ATM: variants seen among roughly 807,000 people sequenced by gnomAD.
The protein encoded by ATM is serine-protein kinase ATM.
A neutral mutation model predicts 387.0 loss-of-function variants in ATM; 308 were observed. The observed-to-expected ratio is 0.80, with a 90% CI of 0.73 to 0.87. The LOEUF (loss-of-function observed/expected upper bound fraction) is 0.87, where lower values mean the gene tolerates loss of function less well. Among genes scored for constraint, ATM ranks in the 40% least tolerant of loss-of-function variants. ATM has a pLI of 0.00. For synonymous variants in ATM, 1,156 were observed against 1,187.3 expected, an observed-to-expected ratio of 0.97 and a Z score of 0.54; for missense variants, 3,312 against 3,560.9, an observed-to-expected ratio of 0.93 and a Z score of 1.78.
At position 108,251,080 on chromosome 11, in the gene ATM, C is replaced by A. The variant is rs2135328749; in HGVS notation, c.1607+8C>A. ...AGCCTGCAGACCTTCATGGTAAGTT[C>A]AGCATGCATTATGTCTGACTTACAG... On this transcript the variant is annotated splice_region_variant and intron_variant, in intron 10 of 62. Transcript: ENST00000675843. The A allele has an allele frequency of 6.2e-7, 1 of 1,613,852 alleles. No individual in the cohort carries two copies. Among genetic ancestry groups the A allele is most frequent in the South Asian group, 1.1e-5 (1 of 91,018 alleles).
intron 55 of ATM, 93 bp from the exon 56 acceptor site, chr11:108,335,752 T>C: frequency 1.1e-6 from 1 of 883,180 alleles, no homozygotes; most frequent in Non-Finnish European, 1.9e-6. Flanking sequence ...GATGCTCAGA[T>C]TGGTTTGAGT....
At chr11:108,297,223 C>A in intron 32 of ATM, 64 bp from the exon 33 acceptor site, 1 of 1,300,830 alleles carries the variant, frequency 7.7e-7, no homozygotes, top group Non-Finnish European at 1.1e-6. Flanking sequence ...AATATATATG[C>A]AATTATAAAC....
intron 50 of ATM, 49 bp from the exon 51 acceptor site, chr11:108,331,393 AAT>A (rs1313591560): frequency 6.3e-7 from 1 of 1,589,006 alleles, no homozygotes. Flanking sequence ...TAGATGTGAG[AAT>A]ATTTGAAATA....
intron 4 of ATM, among the ~76,000 whole-genome samples, chr11:108,235,096 A>G (rs1804981955): frequency 6.6e-6 from 1 of 152,150 alleles, no homozygotes; most frequent in African/African-American, 2.4e-5. Flanking sequence ...CAGGAGTTCA[A>G]GACCAGCCTG....
At chr11:108,336,594 T>G (rs1266792384) in intron 56 of ATM, among the ~76,000 whole-genome samples, 3 of 152,242 alleles carry the variant, frequency 2.0e-5, no homozygotes, top group African/African-American at 7.2e-5. Context: ...TTCAGTCTTT[T>G]GCTGCTACAA....
At chr11:108,350,217 C>T (rs1591290698) in intron 59 of ATM, among the ~76,000 whole-genome samples, 1 of 152,274 alleles carries the variant, frequency 6.6e-6, no homozygotes, top group Middle Eastern at 3.4e-3. Context: ...CAGTCCTCAA[C>T]ATCCTTGGAG....
chr11:108,228,117 CAT>C (rs1159921744), intron 3 of ATM, among the ~76,000 whole-genome samples: 3 of 152,102 alleles, frequency 2.0e-5, no homozygotes, highest in African/African-American at 7.2e-5. Context: ...ATGTTTTAGA[CAT>C]ATCTCACTCA....
chr11:108,274,910 T>A, intron 22 of ATM, among the ~76,000 whole-genome samples: 1 of 152,196 alleles, frequency 6.6e-6, no homozygotes, highest in East Asian at 1.9e-4. Context: ...TCGGTTCAAG[T>A]CCTGAATATC....
intron 1 of ATM, chr11:108,224,764 C>T (rs1169397337): frequency 6.6e-6 from 1 of 152,168 alleles, no homozygotes; most frequent in Non-Finnish European, 1.5e-5. Flanking sequence ...TTTTCTATTA[C>T]TGTGTTTTTG....
rs1131691149 is a variant in ATM, at chr11:108,365,110, G to A, written c.8879G>A (p.Trp2960Ter). 1 of 1,614,090 alleles carries A rather than the reference G, an allele frequency of 6.2e-7. No homozygotes were observed. Among genetic ancestry groups the A allele is most frequent in the South Asian group, 1.1e-5 (1 of 91,078 alleles). The change falls in exon 62 of 63, where the codon TGG (tryptophan) becomes TAG (stop). Residue 2960 changes from tryptophan to a stop codon, truncating the protein, a stop_gained. Transcript: ENST00000675843. LOFTEE classifies it high-confidence loss of function. ...EVLLYDPLFD[W>*]TMNPLKALYL... ...CTTCTATATGATCCACTCTTTGACTGGACCATGAATCCTTTGAAAGCTTTG... is the reference window on the plus strand; with the variant it reads ...CTTCTATATGATCCACTCTTTGACTAGACCATGAATCCTTTGAAAGCTTTG...
chr11:108,246,402 C>A (rs960276934), intron 7 of ATM, among the ~76,000 whole-genome samples: 1 of 152,138 alleles, frequency 6.6e-6, no homozygotes, highest in Non-Finnish European at 1.5e-5. Context: ...TAGTTTCAGA[C>A]TACTTTAATA....
chr11:108,337,555 G>A (rs147829526), intron 56 of ATM, among the ~76,000 whole-genome samples: 139 of 152,230 alleles, frequency 9.1e-4, no homozygotes, highest in Non-Finnish European at 1.4e-3. Context: ...GTGAATGTGC[G>A]TTTCTAGCAA....
rs1555068398 is a variant in ATM at position 108,247,024 on chromosome 11, A to G, written c.962A>G (p.Asn321Ser). ...ILYNLYDLLV[N>S]EISHIGSRGK... The stretch of plus-strand genomic sequence containing the variant: ...TACAACTTATATGATCTGCTAGTGA[A>G]TGAGATAAGTCATATAGGAAGTAGA... The change falls in exon 8 of 63, where the codon AAT becomes AGT. Residue 321 changes from asparagine to serine, a missense_variant. Transcript: ENST00000675843. 5 of 1,613,374 alleles carry G rather than the reference A, an allele frequency of 3.1e-6. No individual in the cohort carries two copies. The highest frequency in any genetic ancestry group is 4.2e-6 in the Non-Finnish European group (5 of 1,179,428).
At chr11:108,365,012 G>A (rs2137858911) in intron 61 of ATM, 70 bp from the exon 62 acceptor site, 1 of 1,553,846 alleles carries the variant, frequency 6.4e-7, no homozygotes, top group South Asian at 1.1e-5. Context: ...TATGATACTG[G>A]TTCTACTGTT....
chr11:108,336,746 C>A (rs2086900471), intron 56 of ATM, among the ~76,000 whole-genome samples: 2 of 152,218 alleles, frequency 1.3e-5, no homozygotes, highest in South Asian at 4.1e-4. Context: ...TGCCAAATTA[C>A]TCTCAATGGG....
intron 4 of ATM, among the ~76,000 whole-genome samples, chr11:108,232,854 T>C (rs1486701212): frequency 6.6e-6 from 1 of 150,870 alleles, no homozygotes; most frequent in Non-Finnish European, 1.5e-5. Flanking sequence ...CAGCCTACTG[T>C]TCATTTCTTT....
chr11:108,353,503 C>T (rs146286847), intron 59 of ATM, among the ~76,000 whole-genome samples: 1 of 152,188 alleles, frequency 6.6e-6, no homozygotes, highest in African/African-American at 2.4e-5. Flanking sequence ...CCAGTAGTTA[C>T]TTCATTTTTA....
In ATM at chr11:108,319,976, T is replaced by C; in HGVS notation, c.6370T>C (p.Tyr2124His). 1.2e-6 allele frequency: 2 copies of C among 1,612,370 alleles called. No individual in the cohort carries two copies. Among genetic ancestry groups the C allele is most frequent in the Non-Finnish European group, 1.7e-6 (2 of 1,178,542 alleles). Residue 2124 changes from tyrosine to histidine, a missense_variant, in exon 44 of 63, where the codon TAC becomes CAC. Around this residue, in one of 4 missense-constraint regions of ATM, gnomAD observed 1,405 missense variants for 1,604.4 expected, o/e 0.88. Coordinates refer to ENST00000675843, the MANE Select transcript of ATM (RefSeq NM_000051.4). ...CAGCAAAGAAGTAGAAGGAACCAGT[T>C]ACCATGAATCATTGTACAATGCTCT... ...SVSKEVEGTSYHESLYNALQS... is the reference protein window; with the variant it reads ...SVSKEVEGTSHHESLYNALQS...
intron 8 of ATM, 61 bp from the exon 9 acceptor site, chr11:108,248,872 C>G (rs1390239504): frequency 7.0e-7 from 1 of 1,420,278 alleles, no homozygotes; most frequent in South Asian, 1.3e-5. Flanking sequence ...TGGGCAACAA[C>G]AGCGAAACTC....
Sources: allele counts gnomAD v4.1 joint callset (sites outside exome capture counted in the v4.1 genomes callset), GRCh38; gene constraint gnomAD v4.1.1; regional missense constraint gnomAD v4.1.1; transcripts MANE v1.5; gene names NCBI Gene and HGNC (gene_info 2026-07-23, HGNC 2026-07-21).